ME3: variants seen among roughly 807,000 people sequenced by gnomAD.
The protein encoded by ME3 is NADP-dependent malic enzyme, mitochondrial.
In ME3, 48 loss-of-function variants were observed where a neutral mutation model predicts 68.9. The observed-to-expected ratio is 0.70, with a 90% CI of 0.55 to 0.89. The LOEUF (loss-of-function observed/expected upper bound fraction) is 0.89, where lower values mean the gene tolerates loss of function less well. Ranked by LOEUF, ME3 falls within the 40% of genes least tolerant of loss-of-function variation. The pLI is 0.00. For synonymous variants in ME3, 320 were observed against 318.8 expected (o/e 1.00, Z -0.04); for missense variants, 675 against 797.4 (o/e 0.85, Z 1.85).
At chr11:86,547,703 A>G (rs1025012130) in intron 4 of ME3, among the ~76,000 whole-genome samples, 17 of 152,314 alleles carry the variant, frequency 1.1e-4, no homozygotes, top group Admixed American at 3.9e-4. Context: ...ACAAAACTCA[A>G]TGTGAGCAAA....
intron 7 of ME3, among the ~76,000 whole-genome samples, chr11:86,474,490 C>T (rs1950954148): frequency 6.6e-6 from 1 of 152,138 alleles, no homozygotes; most frequent in Non-Finnish European, 1.5e-5. Context: ...AGTGGCAACA[C>T]AAAGGTTTTC....
chr11:86,625,098 C>CT (rs1384052420), intron 2 of ME3, among the ~76,000 whole-genome samples: 1 of 152,074 alleles, frequency 6.6e-6, no homozygotes, highest in East Asian at 1.9e-4. Flanking sequence ...AAATATTTTT[C>CT]TTTAGTATTC....
intron 2 of ME3, among the ~76,000 whole-genome samples, chr11:86,567,451 C>G (rs1374968751): frequency 6.6e-6 from 1 of 152,138 alleles, no homozygotes; most frequent in Non-Finnish European, 1.5e-5. Context: ...TCACCAAAAG[C>G]CTTTAGGCAG....
chr11:86,625,265 C>T (rs1943589496), intron 2 of ME3, among the ~76,000 whole-genome samples: 1 of 151,852 alleles, frequency 6.6e-6, no homozygotes, highest in Admixed American at 6.6e-5. Context: ...AGTTTGGTGA[C>T]CATAGTTACA....
rs1218208851 is a variant in ME3 at position 86,624,933 on chromosome 11, T to C, written c.183+46829A>G. Among the ~76,000 whole-genome samples the C allele has an allele frequency of 3.9e-5, 6 of 152,164 alleles. No homozygotes were observed. In the East Asian group the frequency reaches 9.7e-4, roughly 24 times the overall value. On this transcript the variant is annotated intron_variant, in intron 2 of 14. Coordinates refer to ENST00000543262, the Ensembl canonical transcript of ME3. ...GTAGCATGTGGAGCCCTGCAAGTAT[T>C]TGGACTATGTGTAGAGAGATGAGAC...
intron 7 of ME3, among the ~76,000 whole-genome samples, chr11:86,479,296 CT>C (rs775969398): frequency 3.3e-5 from 5 of 152,208 alleles, no homozygotes; most frequent in African/African-American, 4.8e-5. Context: ...ACCAGTTTCC[CT>C]GGTTCTCCAG....
At chr11:86,651,377 G>A (rs112504208) in intron 2 of ME3, among the ~76,000 whole-genome samples, 11,517 of 152,224 alleles carry the variant, frequency 0.076, 503 homozygotes, top group East Asian at 0.14. Flanking sequence ...ACATGGCCGG[G>A]TACTCCTCTG....
At chr11:86,561,796 G>A (rs1310514038) in intron 2 of ME3, among the ~76,000 whole-genome samples, 3 of 152,042 alleles carry the variant, frequency 2.0e-5, no homozygotes, top group African/African-American at 4.8e-5. Context: ...ACTCATTTCC[G>A]AAGTTACTCA....
At chr11:86,442,678 AC>A in intron 14 of ME3, 142 bp downstream of exon 14, 1 of 624,256 alleles carries the variant, frequency 1.6e-6, no homozygotes. Flanking sequence ...AGAGTTTGTC[AC>A]CCAGCCTCTG....
At chr11:86,550,024 C>T (rs1251401087) in intron 4 of ME3, among the ~76,000 whole-genome samples, 2 of 152,172 alleles carry the variant, frequency 1.3e-5, no homozygotes, top group Non-Finnish European at 2.9e-5. Flanking sequence ...TTTCAGGGAA[C>T]ACTCAGGTCA....
chr11:86,671,856 G>C, exon 2 of ME3: 1 of 1,581,920 alleles, frequency 6.3e-7, no homozygotes, highest in South Asian at 1.1e-5. Flanking sequence ...GCCTTGGGCG[G>C]GCGCGGTGGG....
intron 8 of ME3, among the ~76,000 whole-genome samples, chr11:86,451,522 T>TA (rs1043501375): frequency 6.6e-6 from 1 of 152,214 alleles, no homozygotes; most frequent in Non-Finnish European, 1.5e-5. Flanking sequence ...GGCTTCCTCT[T>TA]ACCAAGCTGG....
At chr11:86,565,476 C>T (rs912572441) in intron 2 of ME3, among the ~76,000 whole-genome samples, 2 of 152,094 alleles carry the variant, frequency 1.3e-5, no homozygotes, top group African/African-American at 4.8e-5. Context: ...TGGAAATAAC[C>T]CAGGTGTTCA....
chr11:86,660,636 T>C (rs1026758826), intron 2 of ME3, among the ~76,000 whole-genome samples: 8 of 152,284 alleles, frequency 5.3e-5, no homozygotes, highest in African/African-American at 1.9e-4. Flanking sequence ...TCACAGGCTA[T>C]GCCCCTTGAG....
intron 4 of ME3, among the ~76,000 whole-genome samples, chr11:86,550,609 A>C (rs1956617022): frequency 6.6e-6 from 1 of 152,232 alleles, no homozygotes; most frequent in African/African-American, 2.4e-5. Context: ...AATGTCAAGC[A>C]GTCTTGGCCA....
chr11:86,529,991 G>T (rs1955081407), intron 4 of ME3, among the ~76,000 whole-genome samples: 1 of 152,154 alleles, frequency 6.6e-6, no homozygotes, highest in South Asian at 2.1e-4. Flanking sequence ...CATAGTGTTG[G>T]AAGTTCTGGC....
chr11:86,646,026 C>A (rs189472490), intron 2 of ME3, among the ~76,000 whole-genome samples: 1 of 152,096 alleles, frequency 6.6e-6, no homozygotes, highest in Admixed American at 6.5e-5. Flanking sequence ...AAAGAACGAA[C>A]GCTCAAAAAC....
chr11:86,528,272 A>G (rs1219331308), intron 4 of ME3, among the ~76,000 whole-genome samples: 2 of 152,246 alleles, frequency 1.3e-5, no homozygotes, highest in Non-Finnish European at 2.9e-5. Flanking sequence ...CCATTACATA[A>G]TGGTAAAGGG....
intron 4 of ME3, among the ~76,000 whole-genome samples, chr11:86,510,032 C>T (rs555772444): frequency 1.3e-5 from 2 of 152,306 alleles, no homozygotes; most frequent in Admixed American, 6.5e-5. Flanking sequence ...AAAAAAATCA[C>T]TGAACCCCAA....
Sources: gnomAD v4.1 joint callset for allele counts (sites outside exome capture counted in the v4.1 genomes callset) on GRCh38, gnomAD v4.1.1 for gene constraint, MANE v1.5 for transcripts, NCBI Gene and HGNC (gene_info 2026-07-23, HGNC 2026-07-21) for gene names.